The following AQR variants were observed in gnomAD, a reference collection of about 807,000 sequenced individuals.
The protein encoded by AQR is aquarius intron-binding spliceosomal factor.
A neutral mutation model predicts 180.5 loss-of-function variants in AQR; 61 were observed. The ratio of observed to expected loss-of-function variants is 0.34; its 90% CI spans 0.28 to 0.42. The LOEUF (loss-of-function observed/expected upper bound fraction) is 0.42. Ranked by LOEUF, AQR falls within the 10% of genes least tolerant of loss-of-function variation. The pLI, the probability that AQR is intolerant of heterozygous loss-of-function variation, is 1.00. For synonymous variants in AQR, 551 were observed against 588.8 expected (o/e 0.94, Z 0.93); for missense variants, 1,281 against 1,798.3 (o/e 0.71, Z 5.20).
chr15:34,932,126 T>C lies in AQR; in HGVS notation c.900+192A>G, dbSNP rs375575613. 8.5e-5 allele frequency among the ~76,000 whole-genome samples: 13 copies of C among 152,302 alleles called. 2 individuals carry two copies. The highest frequency in any genetic ancestry group is 2.1e-4 in the South Asian group (1 of 4,828). ...TAATTTAGTCCAATAATAAAAATCA[T>C]ACATAATTAACAAAAAGTTATATAA... On this transcript the variant is annotated intron_variant, in intron 11 of 34. Coordinates refer to ENST00000156471, the MANE Select transcript of AQR (RefSeq NM_014691.3).
chr15:34,958,317 A>G (rs550174922), intron 3 of AQR, among the ~76,000 whole-genome samples: 2 of 152,298 alleles, frequency 1.3e-5, no homozygotes, highest in South Asian at 4.1e-4. Context: ...GAGTGAGAGC[A>G]GCCTGGGCAA....
intron 13 of AQR, among the ~76,000 whole-genome samples, chr15:34,922,177 A>G (rs183173889): frequency 2.6e-4 from 39 of 152,168 alleles, no homozygotes; most frequent in African/African-American, 8.9e-4. Flanking sequence ...TTTGAGATTC[A>G]CCCACACTGT....
At chr15:34,939,511 T>C (rs934412480) in intron 8 of AQR, among the ~76,000 whole-genome samples, 2 of 152,356 alleles carry the variant, frequency 1.3e-5, no homozygotes, top group African/African-American at 2.4e-5. Context: ...CAATATTATA[T>C]TTTAACGTTT....
At chr15:34,926,985 G>A in intron 13 of AQR, 50 bp downstream of exon 13, 4 of 1,136,814 alleles carry the variant, frequency 3.5e-6, no homozygotes, top group Non-Finnish European at 5.0e-6. Flanking sequence ...AAGTAAAATT[G>A]AGGGAGCATG....
chr15:34,931,786 C>T (rs1258528419), intron 11 of AQR, among the ~76,000 whole-genome samples: 1 of 152,138 alleles, frequency 6.6e-6, no homozygotes, highest in African/African-American at 2.4e-5. Context: ...TGCACTCCAG[C>T]CCGGGTGACA....
chr15:34,953,546 T>C (rs561927263), intron 3 of AQR, among the ~76,000 whole-genome samples: 2 of 152,354 alleles, frequency 1.3e-5, no homozygotes, highest in East Asian at 3.9e-4. Context: ...TTCTGATCTC[T>C]TACATAGTTT....
chr15:34,912,761 G>A (rs544958760), intron 16 of AQR, among the ~76,000 whole-genome samples: 2 of 152,064 alleles, frequency 1.3e-5, no homozygotes, highest in Non-Finnish European at 1.5e-5. Context: ...TTGTATTTGG[G>A]AAATACGTAA....
intron 26 of AQR, among the ~76,000 whole-genome samples, chr15:34,883,311 T>C (rs933016770): frequency 6.6e-6 from 1 of 152,084 alleles, no homozygotes; most frequent in Non-Finnish European, 1.5e-5. Flanking sequence ...ACATCAACCA[T>C]GGCAGAGGAT....
rs191205711 is a variant in AQR, at chr15:34,928,132, C to G, written c.1015-994G>C. On this transcript the variant is annotated intron_variant, in intron 12 of 34. Coordinates refer to ENST00000156471, the MANE Select transcript of AQR (RefSeq NM_014691.3). The stretch of plus-strand genomic sequence containing the variant: ...AAAGACATCTGCGTTAATCCTTCTT[C>G]CAAAACAATAAGGCTATTTTGGTGT... 2.0e-5 allele frequency among the ~76,000 whole-genome samples: 3 copies of G among 152,176 alleles called. No individual in the cohort carries two copies. The East Asian group carries it at 5.8e-4, about 29-fold the overall frequency.
At position 34,853,951 on chromosome 15, in the gene AQR, GATC is replaced by G. The variant is rs1390902542; in HGVS notation, c.*2838_*2840del. The G allele has an allele frequency of 2.6e-5, 4 of 152,126 alleles. No individual in the cohort carries two copies. The highest frequency in any genetic ancestry group is 4.8e-5 in the African/African-American group (2 of 41,410). 9.4% of individuals were successfully genotyped at this position (152,126 alleles called of 1,614,324 possible). A position where few individuals can be genotyped will look rare whatever the true frequency, so the allele number is the denominator to read the frequency against. The stretch of plus-strand genomic sequence containing the variant: ...GTTTTATAATATCTTGCTGTCTCTT[GATC>G]ATTACAAAATTTCATTTGTTTACAG... On this transcript the variant is annotated 3_prime_UTR_variant, in exon 35 of 35. Coordinates refer to ENST00000156471, the MANE Select transcript of AQR (RefSeq NM_014691.3).
chr15:34,900,119 G>A (rs755035691), intron 20 of AQR, among the ~76,000 whole-genome samples: 7 of 151,936 alleles, frequency 4.6e-5, no homozygotes, highest in African/African-American at 7.3e-5. Context: ...TTTTGAATTC[G>A]TGGCCTCAAG....
intron 14 of AQR, among the ~76,000 whole-genome samples, chr15:34,918,947 A>C (rs1236416210): frequency 6.6e-6 from 1 of 152,214 alleles, no homozygotes; most frequent in Non-Finnish European, 1.5e-5. Flanking sequence ...AAATATGAAA[A>C]TAAGTGTTAC....
At chr15:34,893,915 A>G in intron 22 of AQR, 142 bp from the exon 23 acceptor site, 1 of 652,272 alleles carries the variant, frequency 1.5e-6, no homozygotes, top group African/African-American at 1.8e-5. Flanking sequence ...AGGATAGAAG[A>G]AGAGTTGGTG....
At position 34,969,593 on chromosome 15, in the gene AQR, G is replaced by T. The variant is rs756779537; in HGVS notation, c.21C>A (p.Pro7=). 2.5e-5 allele frequency: 40 copies of T among 1,613,522 alleles called. No homozygotes were observed. Among genetic ancestry groups the T allele is most frequent in the Non-Finnish European group, 3.4e-5 (40 of 1,180,018 alleles). Residue 7 remains proline (P), a synonymous_variant, in exon 1 of 35, where the codon CCC becomes CCA. Coordinates refer to ENST00000156471, the MANE Select transcript of AQR (RefSeq NM_014691.3). MAAPAQ[P]KKIVAPTVSQ... ...ACACCGTAGGGGCCACGATCTTCTT[G>T]GGCTGCGCAGGGGCTGCCATGGCAG...
chr15:34,940,775 A>G (rs1894011350), intron 8 of AQR, 124 bp downstream of exon 8: 2 of 737,198 alleles, frequency 2.7e-6, no homozygotes, highest in Non-Finnish European at 4.6e-6. Flanking sequence ...AGGTAAAAGC[A>G]CTTATTATAA....
intron 34 of AQR, among the ~76,000 whole-genome samples, chr15:34,859,026 T>C (rs1026962818): frequency 2.0e-5 from 3 of 152,176 alleles, no homozygotes; most frequent in Non-Finnish European, 4.4e-5. Context: ...TTTTAGGACA[T>C]AAAAAGCATG....
In AQR at chr15:34,906,490, C is replaced by T. The variant is rs780639295; in HGVS notation, c.1831+55G>A. On this transcript the variant is annotated intron_variant, in intron 18 of 34. Coordinates refer to ENST00000156471, the MANE Select transcript of AQR (RefSeq NM_014691.3). ...CCTAAGAAGCAAAAAGGGAAAAAGG[C>T]AAAGAAATTTATCATTCTATACACA... 1.3e-5 allele frequency: 21 copies of T among 1,559,896 alleles called. No homozygotes were observed. The African/African-American group carries it at 2.9e-4, about 22-fold the overall frequency.
At chr15:34,920,639 C>A (rs1329589409) in intron 13 of AQR, among the ~76,000 whole-genome samples, 1 of 152,142 alleles carries the variant, frequency 6.6e-6, no homozygotes. Flanking sequence ...CAAGATCCTT[C>A]TGGGCAGTCC....
chr15:34,937,745 G>T lies in AQR; in HGVS notation c.718+992C>A, dbSNP rs970676973. On this transcript the variant is annotated intron_variant, in intron 9 of 34. Coordinates refer to ENST00000156471, the MANE Select transcript of AQR (RefSeq NM_014691.3). The stretch of plus-strand genomic sequence containing the variant: ...CTAAAAATACAAAAATTAGCCGGGC[G>T]TGGTGGCACACGCCTGTAACTCCAG... Among the ~76,000 whole-genome samples, 15 of 151,890 alleles carry T rather than the reference G, an allele frequency of 9.9e-5. No individual in the cohort carries two copies. In the East Asian group the frequency reaches 1.5e-3, roughly 16 times the overall value.
Sources: allele counts gnomAD v4.1 joint callset (sites outside exome capture counted in the v4.1 genomes callset), GRCh38; gene constraint gnomAD v4.1.1; transcripts MANE v1.5; gene names NCBI Gene and HGNC (gene_info 2026-07-23, HGNC 2026-07-21).